The following MED13 variants were observed in gnomAD, a reference collection of about 807,000 sequenced individuals.
MED13 encodes mediator of RNA polymerase II transcription subunit 13.
MED13 carries 23 observed loss-of-function variants against 225.2 expected under a neutral mutation model. The ratio of observed to expected loss-of-function variants is 0.10; its 90% CI spans 0.07 to 0.14. The LOEUF is 0.14. Ranked by LOEUF, MED13 falls within the 10% of genes least tolerant of loss-of-function variation. MED13 has a pLI of 1.00. For missense variants in MED13, 2,197 were observed against 2,594.5 expected, an observed-to-expected ratio of 0.85 and a Z score of 3.33; for synonymous variants, 942 against 889.2, an observed-to-expected ratio of 1.06 and a Z score of -1.06.
At chr17:62,033,668 G>A (rs761233018) in intron 5 of MED13, 119 bp downstream of exon 5, 66 of 923,990 alleles carry the variant, frequency 7.1e-5, no homozygotes, top group Non-Finnish European at 4.9e-5. Flanking sequence ...GGAAATTAAG[G>A]AATAAATCTT....
chr17:61,964,920 A>T (rs2080041616), intron 20 of MED13, 86 bp downstream of exon 20: 8 of 1,265,020 alleles, frequency 6.3e-6, no homozygotes, highest in Non-Finnish European at 7.6e-6. Flanking sequence ...TGCGCAAAAG[A>T]GTGAGACTGT....
Position 61,962,755 on chromosome 17 carries a change from T to A in MED13, c.5061A>T (p.Val1687=), listed in dbSNP as rs372468919. 8.1e-5 allele frequency: 130 copies of A among 1,613,530 alleles called. No homozygotes were observed. The highest frequency in any genetic ancestry group is 1.0e-4 in the Non-Finnish European group (123 of 1,179,534). Residue 1687 remains valine (V), a synonymous_variant, in exon 21 of 30, where the codon GTA becomes GTT. Transcript: ENST00000397786. ...LPPHIKSTVS[V]QIIPCQYLLQ... ...TCACAACATCTATCACTCTTACCTG[T>A]ACAGAAACAGTACTCTTGATATGAG...
At chr17:62,057,099 C>A (rs1266873928) in intron 2 of MED13, among the ~76,000 whole-genome samples, 1 of 152,084 alleles carries the variant, frequency 6.6e-6, no homozygotes, top group African/African-American at 2.4e-5. Flanking sequence ...TTAAATATCT[C>A]CACGGTGGTA....
In MED13 at chr17:62,029,578, C is replaced by G. The variant is rs1284146988; in HGVS notation, c.1246G>C (p.Val416Leu). ...TAAKVASWDF[V>L]EATQRTNCSC... The stretch of plus-strand genomic sequence containing the variant: ...CAATTTGTTCTTTGTGTGGCTTCAA[C>G]AAAATCCCAGGATGCCACTTTAGCA... The change falls in exon 8 of 30, where the codon GTT (valine) becomes CTT (leucine). Residue 416 changes from valine to leucine, a missense_variant. Val to Leu is a conservative substitution (Grantham distance 32, BLOSUM62 1). Around this residue, in one of 12 missense-constraint regions of MED13, gnomAD observed 884 missense variants for 918.5 expected, o/e 0.96. Transcript: ENST00000397786. The G allele has an allele frequency of 1.9e-6, 3 of 1,614,040 alleles. No individual in the cohort carries two copies. The African/African-American group carries it at 4.0e-5, about 22-fold the overall frequency.
At chr17:62,017,657 G>A (rs1192248213) in intron 8 of MED13, among the ~76,000 whole-genome samples, 1 of 152,104 alleles carries the variant, frequency 6.6e-6, no homozygotes, top group African/African-American at 2.4e-5. Flanking sequence ...CAAAGGGAGT[G>A]GTACCAACTG....
chr17:62,011,417 G>T (rs1264525354), intron 8 of MED13, among the ~76,000 whole-genome samples, 184 bp from the exon 9 acceptor site: 3 of 152,090 alleles, frequency 2.0e-5, no homozygotes, highest in African/African-American at 7.2e-5. Flanking sequence ...AAATATAAGG[G>T]CATGCAGAAA....
intron 9 of MED13, among the ~76,000 whole-genome samples, chr17:62,008,274 C>T (rs1567974193): frequency 7.3e-6 from 1 of 136,372 alleles, no homozygotes; most frequent in Non-Finnish European, 1.5e-5. Flanking sequence ...GCAGGGATCG[C>T]GCAACTGTAC....
Position 62,010,955 on chromosome 17 carries a change from T to C in MED13, c.1562A>G (p.Gln521Arg). Residue 521 changes from glutamine (Q) to arginine (R), a missense_variant, in exon 9 of 30, where the codon CAG becomes CGG. By Grantham distance (43) the Gln-to-Arg change is conservative. Coordinates refer to ENST00000397786, the MANE Select transcript of MED13 (RefSeq NM_005121.3). ...ATTTGCCATTTCGGTGCCATGCATC[T>C]GAGGAGTCTTTGCTACATCATTAGT... ...IRTNDVAKTP[Q>R]MHGTEMANSP... is the part of the protein sequence containing the mutation. 6.2e-7 allele frequency: 1 copy of C among 1,613,130 alleles called. No individual in the cohort carries two copies. Among genetic ancestry groups the C allele is most frequent in the East Asian group, 2.2e-5 (1 of 44,864 alleles).
intron 23 of MED13, among the ~76,000 whole-genome samples, chr17:61,956,889 T>C (rs567746324): frequency 2.0e-5 from 3 of 152,160 alleles, no homozygotes; most frequent in East Asian, 3.9e-4. Flanking sequence ...TTAATTTTAG[T>C]GCTTCACAAA....
At chr17:62,019,782 C>T (rs1352327380) in intron 8 of MED13, among the ~76,000 whole-genome samples, 1 of 148,580 alleles carries the variant, frequency 6.7e-6, no homozygotes, top group Non-Finnish European at 1.5e-5. Flanking sequence ...TCGCTCTTGT[C>T]ACCCAGGCTG....
chr17:61,993,952 A>C (rs552785695), intron 10 of MED13, among the ~76,000 whole-genome samples: 115 of 152,074 alleles, frequency 7.6e-4, no homozygotes, highest in East Asian at 1.6e-3. Flanking sequence ...AACAAACAAA[A>C]AAAAAAACTC....
At chr17:61,981,046 G>C (rs756653838) in intron 16 of MED13, among the ~76,000 whole-genome samples, 1 of 143,784 alleles carries the variant, frequency 7.0e-6, no homozygotes, top group Non-Finnish European at 1.5e-5. Flanking sequence ...TTTTAGATGG[G>C]AGTTTCACTC....
chr17:62,022,165 C>CAA (rs35035293), intron 8 of MED13, among the ~76,000 whole-genome samples: 6,293 of 133,646 alleles, frequency 0.047, 178 homozygotes, highest in Non-Finnish European at 0.053. Flanking sequence ...AAGACTGTCT[C>CAA]AAAAAAAAAA....
chr17:61,982,369 G>A lies in MED13; in HGVS notation c.3634C>T (p.Pro1212Ser). Residue 1212 changes from proline (P) to serine (S), a missense_variant, in exon 16 of 30, where the codon CCT (proline) becomes TCT (serine). By Grantham distance (74) the Pro-to-Ser change is moderately conservative. Around this residue, in one of 12 missense-constraint regions of MED13, gnomAD observed 203 missense variants for 209.7 expected, o/e 0.97. Coordinates refer to ENST00000397786, the MANE Select transcript of MED13 (RefSeq NM_005121.3). Reference protein sequence around the residue: ...PFGAADQDPFPKSGVISNWVR... With the variant: ...PFGAADQDPFSKSGVISNWVR... ...CAATTGCTAATTACACCACTTTTAG[G>A]AAAAGGATCTTGGTCTGCTGCTCCA... 6.2e-7 allele frequency: 1 copy of A among 1,614,140 alleles called. No individual in the cohort carries two copies. Among genetic ancestry groups the A allele is most frequent in the Non-Finnish European group, 8.5e-7 (1 of 1,180,024 alleles).
chr17:61,951,051 C>A, intron 27 of MED13, 53 bp from the exon 28 acceptor site: 1 of 1,396,666 alleles, frequency 7.2e-7, no homozygotes, highest in Non-Finnish European at 9.9e-7. Flanking sequence ...AACTAAGTAC[C>A]AGATATAAAC....
intron 8 of MED13, among the ~76,000 whole-genome samples, chr17:62,022,464 A>G (rs944843899): frequency 1.3e-5 from 2 of 152,044 alleles, no homozygotes; most frequent in Non-Finnish European, 2.9e-5. Flanking sequence ...GTGGAATATT[A>G]ATAACATTTT....
chr17:62,031,165 C>G lies in MED13; in HGVS notation c.1009+279G>C, dbSNP rs558092778. The G allele has an allele frequency of 6.8e-5, 16 of 236,342 alleles. 1 individual carries two copies. In the South Asian group the frequency reaches 2.1e-3, roughly 31 times the overall value. 14.6% of individuals were successfully genotyped at this position (236,342 alleles called of 1,614,324 possible). ...GTTGTATAGGAGAGTGTCCTTAATTCTGGGAAACACACTGAGTACACAGGA... is the reference window on the plus strand; with the variant it reads ...GTTGTATAGGAGAGTGTCCTTAATTGTGGGAAACACACTGAGTACACAGGA... On this transcript the variant is annotated intron_variant, in intron 6 of 29. Coordinates refer to ENST00000397786, the MANE Select transcript of MED13 (RefSeq NM_005121.3).
At chr17:62,053,440 A>C (rs1031971754) in intron 2 of MED13, among the ~76,000 whole-genome samples, 2 of 152,332 alleles carry the variant, frequency 1.3e-5, no homozygotes, top group Non-Finnish European at 2.9e-5. Flanking sequence ...AATCACTCCA[A>C]GTTAATTTAC....
intron 8 of MED13, among the ~76,000 whole-genome samples, chr17:62,020,226 CCTTT>C (rs764525709): frequency 5.7e-4 from 83 of 145,224 alleles, no homozygotes; most frequent in Middle Eastern, 6.9e-3. Context: ...TACTTAGCAG[CCTTT>C]CTTTTTTTTT....
Sources: allele counts gnomAD v4.1 joint callset (sites outside exome capture counted in the v4.1 genomes callset), GRCh38; gene constraint gnomAD v4.1.1; regional missense constraint gnomAD v4.1.1; transcripts MANE v1.5; gene names NCBI Gene and HGNC (gene_info 2026-07-23, HGNC 2026-07-21).